CDH13: variants seen among roughly 807,000 people sequenced by gnomAD.
CDH13 encodes the protein cadherin-13.
CDH13 carries 24 observed loss-of-function variants against 63.8 expected under a neutral mutation model. The ratio of observed to expected loss-of-function variants is 0.38; its 90% CI spans 0.27 to 0.53. The LOEUF (loss-of-function observed/expected upper bound fraction) is 0.53. CDH13 is among the 20% of genes least tolerant of loss of function. CDH13 has a pLI of 0.85. For missense variants in CDH13, 1,049 were observed against 903.1 expected (o/e 1.16, Z -2.07); for synonymous variants, 503 against 355.3 (o/e 1.42, Z -4.67).
At chr16:83,180,844 C>A in intron 4 of CDH13, 12 of 1,476,572 alleles carry the variant, frequency 8.1e-6, no homozygotes, top group Non-Finnish European at 1.1e-5. Context: ...CAATTTACAA[C>A]AAAATGTGTT....
chr16:83,345,184 G>T (rs896762336), intron 6 of CDH13, among the ~76,000 whole-genome samples, 178 bp downstream of exon 6: 2 of 152,204 alleles, frequency 1.3e-5, no homozygotes, highest in Admixed American at 1.3e-4. Context: ...CTTGACCGAG[G>T]TGTTGCAAGC....
chr16:83,075,805 T>C (rs1028416027), intron 3 of CDH13, among the ~76,000 whole-genome samples: 2 of 152,234 alleles, frequency 1.3e-5, no homozygotes, highest in African/African-American at 4.8e-5. Flanking sequence ...TATGGATTCA[T>C]GAGTTAGCTC....
At chr16:83,141,147 C>T (rs369104879) in intron 4 of CDH13, among the ~76,000 whole-genome samples, 29 of 152,290 alleles carry the variant, frequency 1.9e-4, no homozygotes, top group Admixed American at 3.3e-4. Flanking sequence ...TCAGTGAGAT[C>T]AGAGAATATT....
intron 5 of CDH13, among the ~76,000 whole-genome samples, chr16:83,291,060 G>A (rs1283075711): frequency 6.6e-6 from 1 of 152,138 alleles, no homozygotes; most frequent in East Asian, 1.9e-4. Context: ...GTATTTGACA[G>A]TACAGGTCTA....
intron 7 of CDH13, among the ~76,000 whole-genome samples, chr16:83,569,572 A>G (rs1305992019): frequency 6.6e-6 from 1 of 152,194 alleles, no homozygotes; most frequent in African/African-American, 2.4e-5. Context: ...CACATTTTCC[A>G]TCAGGCTCAA....
intron 12 of CDH13, 144 bp downstream of exon 12, chr16:83,780,345 T>C: frequency 1.7e-6 from 1 of 605,680 alleles, no homozygotes; most frequent in South Asian, 2.2e-5. Context: ...TACTGAGAAT[T>C]TTCCCACCAA....
intron 1 of CDH13, chr16:82,825,420 T>G (rs1306359722): frequency 6.6e-6 from 1 of 152,046 alleles, no homozygotes; most frequent in Non-Finnish European, 1.5e-5. Flanking sequence ...CTCATTCTTT[T>G]TCTTGATACT....
chr16:83,554,129 T>A (rs979789154), intron 7 of CDH13, among the ~76,000 whole-genome samples: 1 of 152,202 alleles, frequency 6.6e-6, no homozygotes, highest in Non-Finnish European at 1.5e-5. Flanking sequence ...TGTCTGTGAA[T>A]CTTTCTTTCT....
At chr16:83,131,028 T>A (rs1208439323) in intron 4 of CDH13, among the ~76,000 whole-genome samples, 6 of 152,218 alleles carry the variant, frequency 3.9e-5, no homozygotes, top group African/African-American at 1.2e-4. Flanking sequence ...ATAATTTATC[T>A]GTCTGCCAAG....
chr16:83,509,497 G>A (rs925846716), intron 7 of CDH13, among the ~76,000 whole-genome samples: 1 of 152,172 alleles, frequency 6.6e-6, no homozygotes, highest in African/African-American at 2.4e-5. Flanking sequence ...GAATGAGCAT[G>A]GCTGTGTTCC....
intron 2 of CDH13, among the ~76,000 whole-genome samples, chr16:82,884,667 C>T (rs2040819940): frequency 6.6e-6 from 1 of 152,172 alleles, no homozygotes; most frequent in Non-Finnish European, 1.5e-5. Flanking sequence ...TGCCCCAATT[C>T]ATCTGTTATG....
intron 7 of CDH13, among the ~76,000 whole-genome samples, chr16:83,601,879 G>C (rs1283813389): frequency 3.3e-5 from 5 of 151,878 alleles, no homozygotes; most frequent in Non-Finnish European, 7.4e-5. Flanking sequence ...CAGATCACGA[G>C]GTCAGGAGTT....
chr16:83,707,394 C>T (rs8043996), intron 10 of CDH13, among the ~76,000 whole-genome samples: 52,263 of 152,024 alleles, frequency 0.34, 10,623 homozygotes, highest in African/African-American at 0.56. Context: ...TTTATCCAAA[C>T]ATTTCCAAAC....
At chr16:83,103,498 G>A (rs776881593) in intron 3 of CDH13, among the ~76,000 whole-genome samples, 76 of 151,704 alleles carry the variant, frequency 5.0e-4, no homozygotes, top group Non-Finnish European at 4.3e-4. Context: ...CACCCACCTC[G>A]GCCTCCCAAA....
intron 8 of CDH13, among the ~76,000 whole-genome samples, chr16:83,658,697 C>G (rs1304937551): frequency 2.0e-5 from 3 of 150,348 alleles, no homozygotes; most frequent in Admixed American, 6.6e-5. Context: ...ACCACCAGGT[C>G]CCATATCCTC....
chr16:82,781,310 C>A (rs1171636565), intron 1 of CDH13, among the ~76,000 whole-genome samples: 1 of 152,132 alleles, frequency 6.6e-6, no homozygotes, highest in Admixed American at 6.5e-5. Context: ...GAAATGCAGA[C>A]CACAAGGGTC....
intron 1 of CDH13, among the ~76,000 whole-genome samples, chr16:82,800,259 G>A (rs1442907094): frequency 6.6e-6 from 1 of 152,126 alleles, no homozygotes; most frequent in Non-Finnish European, 1.5e-5. Flanking sequence ...ATTGAATGAG[G>A]AAGTTGGGTC....
intron 9 of CDH13, among the ~76,000 whole-genome samples, chr16:83,676,647 C>T (rs942737962): frequency 1.6e-4 from 25 of 152,202 alleles, no homozygotes; most frequent in Admixed American, 1.4e-3. Context: ...GCACTAAGAG[C>T]TTTGCATCTG....
chr16:83,511,281 A>T (rs1248096973), intron 7 of CDH13, among the ~76,000 whole-genome samples: 1 of 152,136 alleles, frequency 6.6e-6, no homozygotes, highest in Non-Finnish European at 1.5e-5. Context: ...GGCCAACATG[A>T]CAAAACCACA....
Sources: gnomAD v4.1 joint callset for allele counts (sites outside exome capture counted in the v4.1 genomes callset) on GRCh38, gnomAD v4.1.1 for gene constraint, MANE v1.5 for transcripts, NCBI Gene and HGNC (gene_info 2026-07-23, HGNC 2026-07-21) for gene names.